The following SERPINA12 variants were observed in gnomAD, a reference collection of about 807,000 sequenced individuals.
The protein encoded by SERPINA12 is serpin family A member 12, also known as serpin A12.
A neutral mutation model predicts 25.9 loss-of-function variants in SERPINA12; 21 were observed. The observed-to-expected ratio is 0.81, with a 90% CI of 0.58 to 1.17. The LOEUF (loss-of-function observed/expected upper bound fraction) is 1.17, where lower values mean the gene tolerates loss of function less well. Among genes scored for constraint, SERPINA12 ranks in the 50% most tolerant of loss-of-function variants. The pLI is 0.00. For synonymous variants in SERPINA12, 220 were observed against 196.0 expected, an observed-to-expected ratio of 1.12 and a Z score of -1.02; for missense variants, 562 against 508.3, an observed-to-expected ratio of 1.11 and a Z score of -1.02.
intron 2 of SERPINA12, among the ~76,000 whole-genome samples, chr14:94,497,121 A>AT (rs1347842877): frequency 6.6e-6 from 1 of 152,094 alleles, no homozygotes; most frequent in Non-Finnish European, 1.5e-5. Flanking sequence ...ATTCTCACCT[A>AT]TTTTGGCCAA....
At chr14:94,503,146 T>A (rs1266014456) in intron 1 of SERPINA12, 5 of 946,628 alleles carry the variant, frequency 5.3e-6, no homozygotes, top group Non-Finnish European at 5.0e-6. Flanking sequence ...AATCACTCTA[T>A]ATACATCAGA....
intron 1 of SERPINA12, among the ~76,000 whole-genome samples, chr14:94,503,024 G>A (rs1283526752): frequency 1.3e-5 from 2 of 152,320 alleles, no homozygotes; most frequent in South Asian, 2.1e-4. Context: ...TGCTAAAGGT[G>A]TGCCTTGGCC....
intron 1 of SERPINA12, among the ~76,000 whole-genome samples, chr14:94,505,147 G>A (rs148280912): frequency 1.8e-4 from 27 of 152,342 alleles, no homozygotes; most frequent in African/African-American, 5.8e-4. Flanking sequence ...CGGAGGCCTC[G>A]GAAGAGCCAT....
chr14:94,502,094 A>C (rs927591289), intron 1 of SERPINA12, among the ~76,000 whole-genome samples: 1 of 141,160 alleles, frequency 7.1e-6, no homozygotes, highest in African/African-American at 2.9e-5. Context: ...AAATAAAGAG[A>C]TAAAACTAAA....
rs946038877 is a variant in SERPINA12 at position 94,495,823 on chromosome 14, A to G, written c.905+550T>C. On this transcript the variant is annotated intron_variant, in intron 3 of 4. Transcript: ENST00000677451. The stretch of plus-strand genomic sequence containing the variant: ...ACTCTTACCTTTTCCCCCAAAATCT[A>G]TCAGTAAGCAAGTGCCTGGGAGGAA... Among the ~76,000 whole-genome samples, 3 of 152,244 alleles carry G rather than the reference A, an allele frequency of 2.0e-5. No individual in the cohort carries two copies. In the East Asian group the frequency reaches 5.8e-4, roughly 29 times the overall value.
Position 94,496,389 on chromosome 14 carries a change from T to C in SERPINA12, c.889A>G (p.Thr297Ala). 1 of 1,614,162 alleles carries C rather than the reference T, an allele frequency of 6.2e-7. No individual in the cohort carries two copies. Among genetic ancestry groups the C allele is most frequent in the Non-Finnish European group, 8.5e-7 (1 of 1,180,022 alleles). The change falls in exon 3 of 5, where the codon ACA becomes GCA. Residue 297 changes from threonine (T) to alanine (A), a missense_variant. Coordinates refer to ENST00000677451, the MANE Select transcript of SERPINA12 (RefSeq NM_001382267.1). ...CCACTTTACCTGCGTGACAGTAATG[T>C]TTTCCATCTGGAGAAAGTGTCCACC... ...LQVDTFSRWK[T>A]LLSRRVVDVS...
At chr14:94,497,390 TCCTG>T (rs1900478598) in intron 2 of SERPINA12, among the ~76,000 whole-genome samples, 1 of 152,234 alleles carries the variant, frequency 6.6e-6, no homozygotes, top group Non-Finnish European at 1.5e-5. Flanking sequence ...TGTGTTCCAG[TCCTG>T]ACTGTCAATG....
upstream of SERPINA12, chr14:94,510,272 G>A (rs1008150430): frequency 2.9e-5 from 29 of 985,136 alleles, no homozygotes; most frequent in Admixed American, 1.2e-4. Context: ...ACCCAAGTCC[G>A]TGCTAAATGT....
intron 3 of SERPINA12, among the ~76,000 whole-genome samples, chr14:94,495,616 C>G (rs1900384422): frequency 6.6e-6 from 1 of 152,140 alleles, no homozygotes; most frequent in African/African-American, 2.4e-5. Context: ...ATGACAGGGA[C>G]AAGGTGGAAG....
Position 94,498,273 on chromosome 14 carries a change from C to A in SERPINA12, c.125G>T (p.Arg42Met), listed in dbSNP as rs370769652. 1 of 1,614,094 alleles carries A rather than the reference C, an allele frequency of 6.2e-7. No individual in the cohort carries two copies. The highest frequency in any genetic ancestry group is 1.3e-5 in the African/African-American group (1 of 74,924). The part of the protein sequence containing the change: ...ALSEVQGWKQ[R>M]MAAKELARQN... ...CCTTGCAAGCTCCTTGGCTGCCATC[C>A]TTTGCTTCCATCCTTGGACCTCGCT... Residue 42 changes from arginine to methionine, a missense_variant, in exon 2 of 5, where the codon AGG (arginine) becomes ATG (methionine). By Grantham distance (91) the Arg-to-Met change is moderately conservative (BLOSUM62 -1). Coordinates refer to ENST00000677451, the MANE Select transcript of SERPINA12 (RefSeq NM_001382267.1).
intron 4 of SERPINA12, among the ~76,000 whole-genome samples, chr14:94,489,199 AAG>A (rs2139843904): frequency 6.7e-6 from 1 of 149,478 alleles, no homozygotes; most frequent in Admixed American, 6.7e-5. Flanking sequence ...GAGAAAGAAA[AAG>A]AAAGAAAGAG....
upstream of SERPINA12, chr14:94,511,254 C>CACAT (rs1555379552): frequency 2.6e-5 from 6 of 227,798 alleles, no homozygotes; most frequent in Admixed American, 6.6e-5. Context: ...CACACACACA[C>CACAT]ATATATATAT....
Position 94,496,602 on chromosome 14 carries a change from C to T in SERPINA12, c.676G>A (p.Glu226Lys). The change falls in exon 3 of 5, where the codon GAA (glutamate) becomes AAA (lysine). Residue 226 changes from glutamate (E) to lysine (K), a missense_variant. Transcript: ENST00000677451. ...HEFDPNVTKE[E>K]DFFLEKNSSV... The stretch of plus-strand genomic sequence containing the variant: ...CTGTTTTTCTCCAGAAAGAAATCTT[C>T]CTCTTTAGTTACATTTGGATCAAAC... 6.2e-7 allele frequency: 1 copy of T among 1,613,968 alleles called. No homozygotes were observed. The highest frequency in any genetic ancestry group is 8.5e-7 in the Non-Finnish European group (1 of 1,179,880).
chr14:94,510,154 C>T, upstream of SERPINA12: 3 of 985,420 alleles, frequency 3.0e-6, no homozygotes, highest in Non-Finnish European at 3.6e-6. Flanking sequence ...TCTCAGTGTA[C>T]TCACCTGTAC....
chr14:94,496,303 G>C (rs1900413715), intron 3 of SERPINA12, 70 bp downstream of exon 3: 1 of 1,523,292 alleles, frequency 6.6e-7, no homozygotes, highest in East Asian at 2.2e-5. Context: ...TGAGGTAAGA[G>C]CTCAGACAGC....
chr14:94,488,729 C>T (rs937575281), intron 4 of SERPINA12, among the ~76,000 whole-genome samples: 1 of 152,196 alleles, frequency 6.6e-6, no homozygotes, highest in Admixed American at 6.5e-5. Context: ...AGGTGCTCAC[C>T]TTTGCCAGGG....
At chr14:94,489,103 A>C (rs1212254332) in intron 4 of SERPINA12, among the ~76,000 whole-genome samples, 2 of 151,812 alleles carry the variant, frequency 1.3e-5, no homozygotes, top group Non-Finnish European at 2.9e-5. Flanking sequence ...TCAAAAAACA[A>C]AATAAAAGAA....
In SERPINA12 at chr14:94,502,281, C is replaced by G. The variant is rs114783846; in HGVS notation, c.-33-3851G>C. ...ACTAGATAAAATAGTGCCTCACTGA[C>G]CCGGAAGTCATTCATCCTAAAGACA... is the stretch of plus-strand genomic sequence containing the variant. On this transcript the variant is annotated intron_variant, in intron 1 of 4. Coordinates refer to ENST00000677451, the MANE Select transcript of SERPINA12 (RefSeq NM_001382267.1). 2.8e-3 allele frequency among the ~76,000 whole-genome samples: 419 copies of G among 152,174 alleles called. 1 individual carries two copies. Among genetic ancestry groups the G allele is most frequent in the African/African-American group, 9.6e-3 (399 of 41,516 alleles).
At chr14:94,509,673 C>G (rs1901058352), upstream of SERPINA12, among the ~76,000 whole-genome samples, 2 of 152,188 alleles carry the variant, frequency 1.3e-5, no homozygotes, top group Non-Finnish European at 2.9e-5. Flanking sequence ...CTTTTTCTCT[C>G]CCATCCCAAA....
Sources: gnomAD v4.1 joint callset for allele counts (sites outside exome capture counted in the v4.1 genomes callset) on GRCh38, gnomAD v4.1.1 for gene constraint, MANE v1.5 for transcripts, NCBI Gene and HGNC (gene_info 2026-07-23, HGNC 2026-07-21) for gene names.